The following ARHGEF28 variants were observed in gnomAD, a reference collection of about 807,000 sequenced individuals.
The protein encoded by ARHGEF28 is 190 kDa guanine nucleotide exchange factor.
ARHGEF28 carries 152 observed loss-of-function variants against 206.6 expected under a neutral mutation model. The observed-to-expected ratio is 0.74, with a 90% confidence interval of 0.64 to 0.84. The LOEUF (loss-of-function observed/expected upper bound fraction) is 0.84, where lower values mean the gene tolerates loss of function less well. Ranked by LOEUF, ARHGEF28 falls within the 40% of genes least tolerant of loss-of-function variation. ARHGEF28 has a pLI of 0.00. For missense variants in ARHGEF28, 2,028 were observed against 2,073.2 expected, an observed-to-expected ratio of 0.98 and a Z score of 0.42; for synonymous variants, 763 against 776.4, an observed-to-expected ratio of 0.98 and a Z score of 0.29.
chr5:73,733,856 T>G (rs1362543901), intron 2 of ARHGEF28, among the ~76,000 whole-genome samples: 1 of 152,152 alleles, frequency 6.6e-6, no homozygotes, highest in African/African-American at 2.4e-5. Flanking sequence ...AGCATGGTGC[T>G]GGCATTTGCT....
Position 73,840,721 on chromosome 5 carries a change from A to C in ARHGEF28, c.1388A>C (p.His463Pro). 6.2e-7 allele frequency: 1 copy of C among 1,611,508 alleles called. No homozygotes were observed. Among genetic ancestry groups the C allele is most frequent in the Non-Finnish European group, 8.5e-7 (1 of 1,178,578 alleles). Residue 463 changes from histidine (H) to proline (P), a missense_variant, in exon 11 of 36, where the codon CAT becomes CCT. By Grantham distance (77) the His-to-Pro change is moderately conservative (BLOSUM62 -2). Transcript: ENST00000513042. ...ASNLNLSFGW[H>P]GFEKEQSHLK... Reference sequence around the variant, plus strand: ...AACTTGAATCTTTCTTTTGGTTGGCATGGATTTGAAAAGGAACAAAGTCAT... The same window carrying C: ...AACTTGAATCTTTCTTTTGGTTGGCCTGGATTTGAAAAGGAACAAAGTCAT...
At position 73,693,805 on chromosome 5, in the gene ARHGEF28, A is replaced by G. The variant is rs578247010; in HGVS notation, c.33+8921A>G. Among the ~76,000 whole-genome samples the G allele has an allele frequency of 2.0e-5, 3 of 152,232 alleles. No homozygotes were observed. In the East Asian group the frequency reaches 5.8e-4, roughly 29 times the overall value. On this transcript the variant is annotated intron_variant, in intron 2 of 35. Coordinates refer to ENST00000513042, the MANE Select transcript of ARHGEF28 (RefSeq NM_001177693.2). Reference sequence around the variant, plus strand: ...TTTTCTTTGCTGGCTTTTGTTTTCTACTAACTTAACTTGACCTTTTCCTAT... The same window carrying G: ...TTTTCTTTGCTGGCTTTTGTTTTCTGCTAACTTAACTTGACCTTTTCCTAT...
intron 2 of ARHGEF28, among the ~76,000 whole-genome samples, chr5:73,719,238 C>A (rs996549268): frequency 6.6e-6 from 1 of 152,118 alleles, no homozygotes; most frequent in Admixed American, 6.5e-5. Flanking sequence ...TGATCAACCC[C>A]ATCTCTGCTA....
intron 16 of ARHGEF28, chr5:73,863,375 T>A (rs745552260): frequency 5.3e-5 from 8 of 152,182 alleles, no homozygotes; most frequent in Non-Finnish European, 1.2e-4. Flanking sequence ...TGATTTCTGC[T>A]ATCTATGTTC....
intron 1 of ARHGEF28, among the ~76,000 whole-genome samples, chr5:73,680,773 C>T (rs1022787886): frequency 5.3e-5 from 8 of 152,162 alleles, no homozygotes; most frequent in African/African-American, 1.9e-4. Context: ...TCTAAGTGTA[C>T]AGCAAACTTC....
chr5:73,689,752 G>T (rs1163942452), intron 2 of ARHGEF28, among the ~76,000 whole-genome samples: 1 of 149,524 alleles, frequency 6.7e-6, no homozygotes, highest in East Asian at 2.0e-4. Flanking sequence ...AGGCTAGTCT[G>T]TTTATTCCAA....
intron 4 of ARHGEF28, among the ~76,000 whole-genome samples, chr5:73,763,731 C>A (rs1752737868): frequency 6.6e-6 from 1 of 151,974 alleles, no homozygotes; most frequent in Non-Finnish European, 1.5e-5. Flanking sequence ...AGCCTTGAAG[C>A]AACATTAACA....
chr5:73,880,537 G>A (rs1189632762), intron 22 of ARHGEF28, among the ~76,000 whole-genome samples: 1 of 152,242 alleles, frequency 6.6e-6, no homozygotes, highest in African/African-American at 2.4e-5. Flanking sequence ...GCTAGGAGCT[G>A]TAGACCGGAG....
At chr5:73,658,233 C>A (rs1446684091) in intron 1 of ARHGEF28, among the ~76,000 whole-genome samples, 1 of 152,038 alleles carries the variant, frequency 6.6e-6, no homozygotes, top group East Asian at 1.9e-4. Context: ...TCTCCTGTCA[C>A]CCCATTTCTT....
chr5:73,904,554 C>CT, intron 33 of ARHGEF28, 149 bp downstream of exon 33: 1 of 834,458 alleles, frequency 1.2e-6, no homozygotes, highest in Non-Finnish European at 1.8e-6. Flanking sequence ...ATGTGTTGGA[C>CT]TCACATGGTT....
chr5:73,677,183 T>C (rs1211522653), intron 1 of ARHGEF28, among the ~76,000 whole-genome samples: 1 of 152,192 alleles, frequency 6.6e-6, no homozygotes, highest in Non-Finnish European at 1.5e-5. Flanking sequence ...AGCTTTATTT[T>C]CTAATATAAG....
At chr5:73,898,212 A>G in intron 30 of ARHGEF28, 119 bp downstream of exon 30, 2 of 1,237,908 alleles carry the variant, frequency 1.6e-6, no homozygotes, top group Non-Finnish European at 2.2e-6. Flanking sequence ...ATATTTTTTT[A>G]AATTAGAAAA....
Position 73,688,623 on chromosome 5 carries a change from G to GT in ARHGEF28, c.33+3746dup, listed in dbSNP as rs1186576182. ...ACAACTAATATCCAAAGATTGGATT[G>GT]TTTTTTTCTTTTTGGGGAGAGAGGA... is the stretch of plus-strand genomic sequence containing the variant. On this transcript the variant is annotated intron_variant, in intron 2 of 35. Transcript: ENST00000513042. Among the ~76,000 whole-genome samples the GT allele has an allele frequency of 3.3e-5, 5 of 151,986 alleles. No individual in the cohort carries two copies. The East Asian group carries it at 7.7e-4, about 23-fold the overall frequency.
At chr5:73,824,618 C>T (rs190578161) in intron 9 of ARHGEF28, among the ~76,000 whole-genome samples, 26 of 152,160 alleles carry the variant, frequency 1.7e-4, no homozygotes, top group Admixed American at 7.2e-4. Context: ...ACAGCATGCG[C>T]CATCACGCCC....
intron 1 of ARHGEF28, among the ~76,000 whole-genome samples, chr5:73,635,626 A>C (rs1743660652): frequency 6.6e-6 from 1 of 152,150 alleles, no homozygotes; most frequent in Non-Finnish European, 1.5e-5. Context: ...CAGGTTTATC[A>C]CTCTGTGGAA....
intron 35 of ARHGEF28, among the ~76,000 whole-genome samples, chr5:73,915,324 C>G (rs866069491): frequency 3.9e-5 from 6 of 152,034 alleles, no homozygotes; most frequent in Non-Finnish European, 7.4e-5. Flanking sequence ...TTTTGTTTCT[C>G]CAATGTTGCC....
At chr5:73,817,767 G>T (rs548390859) in intron 9 of ARHGEF28, among the ~76,000 whole-genome samples, 1 of 152,282 alleles carries the variant, frequency 6.6e-6, no homozygotes, top group East Asian at 1.9e-4. Context: ...CAGGACACTC[G>T]AGAGTGTCCT....
At chr5:73,712,386 C>T (rs1304256913) in intron 2 of ARHGEF28, among the ~76,000 whole-genome samples, 1 of 152,146 alleles carries the variant, frequency 6.6e-6, no homozygotes, top group Non-Finnish European at 1.5e-5. Flanking sequence ...TGATACTATA[C>T]ATAGTCTACC....
At position 73,892,207 on chromosome 5, in the gene ARHGEF28, A is replaced by G; in HGVS notation, c.3543A>G (p.Arg1181=). 1 of 1,569,270 alleles carries G rather than the reference A, an allele frequency of 6.4e-7. No homozygotes were observed. The highest frequency in any genetic ancestry group is 8.7e-7 in the Non-Finnish European group (1 of 1,155,652). The change falls in exon 27 of 36, where the codon AGA becomes AGG. Residue 1181 remains arginine, a synonymous_variant. Transcript: ENST00000513042. ...AGGAGGAACGCAATAACTGGATGAG[A>G]CGGATCCAGCAGGCTGTAGAAAGGT... ...NSKEERNNWM[R]RIQQAVESCP...
Sources: allele counts gnomAD v4.1 joint callset (sites outside exome capture counted in the v4.1 genomes callset), GRCh38; gene constraint gnomAD v4.1.1; transcripts MANE v1.5; gene names NCBI Gene and HGNC (gene_info 2026-07-23, HGNC 2026-07-21).